The following SCHIP1 variants were observed in gnomAD, a reference collection of about 807,000 sequenced individuals.
SCHIP1 encodes schwannomin-interacting protein 1.
Under a neutral mutation model 29.7 loss-of-function variants are expected in SCHIP1, and 8 were observed. The observed-to-expected ratio is 0.27, with a 90% CI of 0.16 to 0.49. The LOEUF (loss-of-function observed/expected upper bound fraction) is 0.49, where lower values mean the gene tolerates loss of function less well. Ranked by LOEUF, SCHIP1 falls within the 20% of genes least tolerant of loss-of-function variation. The pLI, the probability that SCHIP1 is intolerant of heterozygous loss-of-function variation, is 0.99. For missense variants in SCHIP1, 193 were observed against 294.6 expected (o/e 0.66, Z 2.52); for synonymous variants, 76 against 94.9 (o/e 0.80, Z 1.16).
the SCHIP1 span, among the ~76,000 whole-genome samples, chr3:159,514,832 C>G: frequency 1.3e-5 from 2 of 152,170 alleles, no homozygotes; most frequent in African/African-American, 4.8e-5. Flanking sequence ...ATTGGTGTCT[C>G]AACCTTACTA....
chr3:159,713,155 A>G, the SCHIP1 span, among the ~76,000 whole-genome samples: 1 of 139,350 alleles, frequency 7.2e-6, no homozygotes, highest in African/African-American at 2.8e-5. Context: ...AACTCCATCA[A>G]AAAAAAAAAA....
the SCHIP1 span, among the ~76,000 whole-genome samples, chr3:159,315,813 A>G: frequency 6.6e-6 from 1 of 152,230 alleles, no homozygotes; most frequent in East Asian, 1.9e-4. Flanking sequence ...CAAAAGACAG[A>G]AACTGCTCCA....
chr3:159,284,883 TAAC>T, the SCHIP1 span, among the ~76,000 whole-genome samples: 51 of 152,212 alleles, frequency 3.4e-4, no homozygotes, highest in African/African-American at 1.2e-3. Context: ...ATTAATATTT[TAAC>T]AACAAAGTTA....
the SCHIP1 span, among the ~76,000 whole-genome samples, chr3:159,674,072 T>G: frequency 6.6e-6 from 1 of 152,224 alleles, no homozygotes; most frequent in East Asian, 1.9e-4. Context: ...CTACTTCCTT[T>G]GTTCTTCAAA....
chr3:159,627,519 T>C, the SCHIP1 span, among the ~76,000 whole-genome samples: 6 of 152,298 alleles, frequency 3.9e-5, no homozygotes, highest in South Asian at 1.0e-3. Context: ...GAATCAAAGA[T>C]GTAAAATAAT....
At chr3:159,800,218 T>C in the SCHIP1 span, among the ~76,000 whole-genome samples, 4 of 152,206 alleles carry the variant, frequency 2.6e-5, no homozygotes, top group African/African-American at 9.7e-5. Flanking sequence ...GATAACACTC[T>C]GATTTTATGA....
the SCHIP1 span, among the ~76,000 whole-genome samples, chr3:159,509,306 T>G: frequency 6.6e-6 from 1 of 152,208 alleles, no homozygotes. Context: ...CCTTTTTTTG[T>G]TTTCCATTTG....
the SCHIP1 span, among the ~76,000 whole-genome samples, chr3:159,502,292 G>A: frequency 0.17 from 25,781 of 152,114 alleles, 2,400 homozygotes; most frequent in South Asian, 0.35. Flanking sequence ...TGTGCGTTAT[G>A]TGCATGTGTT....
chr3:159,450,120 G>A, the SCHIP1 span, among the ~76,000 whole-genome samples: 1 of 152,050 alleles, frequency 6.6e-6, no homozygotes, highest in African/African-American at 2.4e-5. Flanking sequence ...CAAGTTCAAC[G>A]AATTGGTCTA....
chr3:159,556,881 A>G, the SCHIP1 span, among the ~76,000 whole-genome samples: 23 of 151,950 alleles, frequency 1.5e-4, no homozygotes, highest in African/African-American at 5.3e-4. Context: ...ACAAACCTGC[A>G]CATTGTGCAC....
At chr3:159,692,013 CTTTTTT>C in the SCHIP1 span, among the ~76,000 whole-genome samples, 4 of 90,942 alleles carry the variant, frequency 4.4e-5, no homozygotes, top group African/African-American at 1.9e-4. Flanking sequence ...CCCGACCTTT[CTTTTTT>C]TTTTTTTTTT....
the SCHIP1 span, among the ~76,000 whole-genome samples, chr3:159,556,013 C>T: frequency 6.6e-6 from 1 of 152,078 alleles, no homozygotes; most frequent in African/African-American, 2.4e-5. Context: ...ACGTGTATAC[C>T]TATGTAACAA....
chr3:159,703,218 A>T, the SCHIP1 span, among the ~76,000 whole-genome samples: 1 of 152,260 alleles, frequency 6.6e-6, no homozygotes, highest in East Asian at 1.9e-4. Flanking sequence ...CTTCATTTGC[A>T]GTACCAAGGA....
the SCHIP1 span, among the ~76,000 whole-genome samples, chr3:159,285,372 C>T: frequency 2.0e-5 from 3 of 152,038 alleles, no homozygotes; most frequent in African/African-American, 7.2e-5. Context: ...TAACAGATAA[C>T]TGATAGATAA....
the SCHIP1 span, among the ~76,000 whole-genome samples, chr3:159,800,517 G>A: frequency 5.3e-5 from 8 of 152,170 alleles, no homozygotes; most frequent in Admixed American, 1.3e-4. Context: ...GAGCAAGAAC[G>A]TGAACTTTGC....
chr3:159,666,490 T>C, the SCHIP1 span, among the ~76,000 whole-genome samples: 1 of 152,216 alleles, frequency 6.6e-6, no homozygotes, highest in Non-Finnish European at 1.5e-5. Flanking sequence ...TTTCCTTCCT[T>C]GTTACAAATC....
the SCHIP1 span, among the ~76,000 whole-genome samples, chr3:159,831,705 C>T: frequency 2.0e-5 from 3 of 152,166 alleles, no homozygotes; most frequent in South Asian, 2.1e-4. Flanking sequence ...AGAGTGTCCA[C>T]AGTGTGGATA....
the SCHIP1 span, among the ~76,000 whole-genome samples, chr3:159,749,364 A>G: frequency 6.6e-6 from 1 of 151,848 alleles, no homozygotes; most frequent in Admixed American, 6.6e-5. Flanking sequence ...GAGAATTTAA[A>G]AAAAAAAAAA....
chr3:159,653,549 G>A, the SCHIP1 span, among the ~76,000 whole-genome samples: 1 of 145,398 alleles, frequency 6.9e-6, no homozygotes, highest in East Asian at 2.1e-4. Flanking sequence ...AGAACACATG[G>A]ACCCAGGGAG....
Sources: gnomAD v4.1 joint callset for allele counts (sites outside exome capture counted in the v4.1 genomes callset) on GRCh38, gnomAD v4.1.1 for gene constraint, MANE v1.5 for transcripts, NCBI Gene and HGNC (gene_info 2026-07-23, HGNC 2026-07-21) for gene names.